Variants in FBLN1 observed in about 807,000 individuals in gnomAD.
The protein encoded by FBLN1 is fibulin-1.
A neutral mutation model predicts 89.7 loss-of-function variants in FBLN1; 34 were observed. The ratio of observed to expected loss-of-function variants is 0.38; its 90% CI spans 0.29 to 0.50. FBLN1 has a LOEUF of 0.50. FBLN1 is among the 20% of genes least tolerant of loss of function. FBLN1 has a pLI of 0.92. For missense variants in FBLN1, 777 were observed against 988.1 expected (o/e 0.79, Z 2.86); for synonymous variants, 393 against 391.3 (o/e 1.00, Z -0.05).
chr22:45,566,592 C>T (rs1289424364), intron 14 of FBLN1, among the ~76,000 whole-genome samples: 1 of 152,188 alleles, frequency 6.6e-6, no homozygotes, highest in Non-Finnish European at 1.5e-5. Context: ...AGCCTCAAGG[C>T]CCACCTTATG....
At position 45,574,200 on chromosome 22, in the gene FBLN1, A is replaced by G. The variant is rs1329199114; in HGVS notation, c.1698-311A>G. 6.6e-6 allele frequency among the ~76,000 whole-genome samples: 1 copy of G among 152,164 alleles called. No homozygotes were observed. The highest frequency in any genetic ancestry group is 1.5e-5 in the Non-Finnish European group (1 of 68,030). Reference sequence around the variant, plus strand: ...GTTGGGCAAGTGAACCTGTGACTCTATTTTGCCATTGTAGCTATTGATGCT... The same window carrying G: ...GTTGGGCAAGTGAACCTGTGACTCTGTTTTGCCATTGTAGCTATTGATGCT... On this transcript the variant is annotated intron_variant, in intron 14 of 16. Coordinates refer to ENST00000327858, the MANE Select transcript of FBLN1 (RefSeq NM_006486.3). This position sits in a 1 kb window ranked among gnomAD's most constrained non-coding sequence, Gnocchi z 4.1.
intron 2 of FBLN1, among the ~76,000 whole-genome samples, chr22:45,519,645 A>G (rs1218895526): frequency 6.6e-6 from 1 of 151,456 alleles, no homozygotes; most frequent in African/African-American, 2.4e-5. Flanking sequence ...AAAAAAAGGA[A>G]TAAATGATGA....
At chr22:45,514,599 G>A (rs950530308) in intron 1 of FBLN1, among the ~76,000 whole-genome samples, 2 of 152,188 alleles carry the variant, frequency 1.3e-5, no homozygotes, top group African/African-American at 2.4e-5. Flanking sequence ...CCCCTGGGAC[G>A]ATGGAGGAGG....
rs113230659 is a variant in FBLN1 at position 45,517,566 on chromosome 22, C to G, written c.80-1116C>G. The G allele has an allele frequency of 6.9e-3, 3,265 of 471,188 alleles. 82 individuals are homozygous for G. Among genetic ancestry groups the G allele is most frequent in the African/African-American group, 0.058 (2,891 of 50,182 alleles). 29.2% of individuals were successfully genotyped at this position (471,188 alleles called of 1,614,324 possible). A position where few individuals can be genotyped will look rare whatever the true frequency, so the allele number is the denominator to read the frequency against. On this transcript the variant is annotated intron_variant, in intron 1 of 16. Coordinates refer to ENST00000327858, the MANE Select transcript of FBLN1 (RefSeq NM_006486.3). ...GCTGCTTGGAGCGTGATCCTTTCAT[C>G]TGCCCTTTTTGCGAGTGGGAGATAA...
In FBLN1 at chr22:45,532,786, C is replaced by T; in HGVS notation, c.545-277C>T. The T allele has an allele frequency of 1.9e-6, 1 of 540,228 alleles. No individual in the cohort carries two copies. Among genetic ancestry groups the T allele is most frequent in the Non-Finnish European group, 3.3e-6 (1 of 298,548 alleles). 33.5% of individuals were successfully genotyped at this position (540,228 alleles called of 1,614,324 possible). On this transcript the variant is annotated intron_variant, in intron 5 of 16. Coordinates refer to ENST00000327858, the MANE Select transcript of FBLN1 (RefSeq NM_006486.3). The surrounding 1 kb of genome is among the most constrained non-coding windows in gnomAD (Gnocchi z 4.2). ...GCAGTGAGCTCTTCTCTGCTTCGCC[C>T]CTTCCAGGTCCACCCCAGCCTACAA...
chr22:45,599,537 G>A (rs1489205975), intron 16 of FBLN1, among the ~76,000 whole-genome samples: 1 of 152,152 alleles, frequency 6.6e-6, no homozygotes, highest in Non-Finnish European at 1.5e-5. Flanking sequence ...TCAGGGGTCA[G>A]AACTGGGCAC....
chr22:45,503,266 A>G, intron 1 of FBLN1: 2 of 317,710 alleles, frequency 6.3e-6, no homozygotes, highest in Non-Finnish European at 5.6e-6. Flanking sequence ...CGGCCTGGGG[A>G]CTTGTTTCAA....
chr22:45,594,055 T>G (rs983701577), intron 16 of FBLN1, among the ~76,000 whole-genome samples: 3 of 152,192 alleles, frequency 2.0e-5, no homozygotes, highest in African/African-American at 7.2e-5. Flanking sequence ...CTATGAAGCA[T>G]TCCAGCTGGT....
At chr22:45,571,698 T>C (rs1392555194) in intron 14 of FBLN1, among the ~76,000 whole-genome samples, 1 of 152,208 alleles carries the variant, frequency 6.6e-6, no homozygotes, top group Non-Finnish European at 1.5e-5. Context: ...GTCCTTCTTT[T>C]GAATTGGATA....
intron 16 of FBLN1, among the ~76,000 whole-genome samples, chr22:45,586,483 C>G (rs1401635510): frequency 6.6e-6 from 1 of 152,238 alleles, no homozygotes; most frequent in African/African-American, 2.4e-5. Flanking sequence ...TGCGGTGTCA[C>G]CGTGGACGGG....
intron 16 of FBLN1, 101 bp from the exon 17 acceptor site, chr22:45,600,206 C>G: frequency 4.2e-6 from 6 of 1,433,530 alleles, no homozygotes; most frequent in Non-Finnish European, 5.9e-6. Context: ...AGGTCTATGC[C>G]TCCTTCTAGC....
chr22:45,575,803 G>A lies in FBLN1; in HGVS notation c.1840+1150G>A, dbSNP rs1009899240. On this transcript the variant is annotated intron_variant, in intron 15 of 16. Coordinates refer to ENST00000327858, the MANE Select transcript of FBLN1 (RefSeq NM_006486.3). The surrounding 1 kb of genome is among the most constrained non-coding windows in gnomAD (Gnocchi z 6.3). ...CATTGTCCTGTTCACCTCGCTTCCTGGCTGTGCTGCCCGTGTGCCCGGTCC... is the reference window on the plus strand; with the variant it reads ...CATTGTCCTGTTCACCTCGCTTCCTAGCTGTGCTGCCCGTGTGCCCGGTCC... 5.9e-5 allele frequency among the ~76,000 whole-genome samples: 9 copies of A among 152,300 alleles called. No homozygotes were observed. Among genetic ancestry groups the A allele is most frequent in the Non-Finnish European group, 1.2e-4 (8 of 68,012 alleles).
At chr22:45,560,075 G>A (rs2088833825) in intron 14 of FBLN1, among the ~76,000 whole-genome samples, 1 of 152,036 alleles carries the variant, frequency 6.6e-6, no homozygotes, top group African/African-American at 2.4e-5. Flanking sequence ...TCACTTCTAG[G>A]AACACTGTGA....
At chr22:45,518,515 TC>T in intron 1 of FBLN1, 166 bp from the exon 2 acceptor site, 1 of 664,522 alleles carries the variant, frequency 1.5e-6, no homozygotes, top group Non-Finnish European at 2.8e-6. Flanking sequence ...GCAGCTGGGG[TC>T]TGGTGGGGTT....
intron 2 of FBLN1, 141 bp downstream of exon 2, chr22:45,518,928 G>A: frequency 2.5e-6 from 2 of 794,546 alleles, no homozygotes; most frequent in Non-Finnish European, 4.2e-6. Flanking sequence ...GGGTGCTGCA[G>A]TGGGTGACTC....
rs76047855 is a variant in FBLN1 at position 45,505,165 on chromosome 22, G to T, written c.79+2101G>T. ...TGTCTGTCCTGTGTCTGTCCGTCCC[G>T]TTGGGCTTTACTGAGAGCTGGGTGG... On this transcript the variant is annotated intron_variant, in intron 1 of 16. Transcript: ENST00000327858. Among the ~76,000 whole-genome samples the T allele has an allele frequency of 5.3e-5, 8 of 152,364 alleles. No homozygotes were observed. In the East Asian group the frequency reaches 1.5e-3, roughly 29 times the overall value.
rs771987278 is a variant in FBLN1 at position 45,575,241 on chromosome 22, G to A, written c.1840+588G>A. 1.3e-5 allele frequency among the ~76,000 whole-genome samples: 2 copies of A among 152,140 alleles called. No individual in the cohort carries two copies. Among genetic ancestry groups the A allele is most frequent in the Non-Finnish European group, 2.9e-5 (2 of 68,030 alleles). ...AAGCGCTGATTCTGTGACCAGCACT[G>A]GAGAATCAGGGAGGGCCTCCGGGAG... is the stretch of plus-strand genomic sequence containing the variant. On this transcript the variant is annotated intron_variant, in intron 15 of 16. Coordinates refer to ENST00000327858, the MANE Select transcript of FBLN1 (RefSeq NM_006486.3). The surrounding 1 kb of genome is among the most constrained non-coding windows in gnomAD (Gnocchi z 6.3).
rs938374343 is a variant in FBLN1, at chr22:45,580,828, G to A, written c.1972+3720G>A. Among the ~76,000 whole-genome samples the A allele has an allele frequency of 3.3e-5, 5 of 152,222 alleles. No homozygotes were observed. Among genetic ancestry groups the A allele is most frequent in the Non-Finnish European group, 7.3e-5 (5 of 68,038 alleles). On this transcript the variant is annotated intron_variant, in intron 16 of 16. Coordinates refer to ENST00000327858, the MANE Select transcript of FBLN1 (RefSeq NM_006486.3). The surrounding 1 kb of genome is among the most constrained non-coding windows in gnomAD (Gnocchi z 8.6). ...AATGCCCCGAGTCCACTAAGAACCT[G>A]CAAGGGCCGGGTCGTCCTCTAATGT... is the stretch of plus-strand genomic sequence containing the variant.
intron 1 of FBLN1, among the ~76,000 whole-genome samples, chr22:45,505,354 C>T (rs1486247692): frequency 2.0e-5 from 3 of 152,128 alleles, no homozygotes; most frequent in Non-Finnish European, 2.9e-5. Context: ...GTGGTCTGTG[C>T]CGCCACTCCT....
Sources: gnomAD v4.1 joint callset for allele counts (sites outside exome capture counted in the v4.1 genomes callset) on GRCh38, gnomAD v4.1.1 for gene constraint, Gnocchi (gnomAD v3.1) non-coding constraint, MANE v1.5 for transcripts, NCBI Gene and HGNC (gene_info 2026-07-23, HGNC 2026-07-21) for gene names.